The following LYRM4 variants were observed in gnomAD, a reference collection of about 807,000 sequenced individuals.
LYRM4 encodes the protein LYR motif containing 4.
In LYRM4, 9 loss-of-function variants were observed where a neutral mutation model predicts 11.7. That is an observed-to-expected ratio of 0.77 (90% CI 0.46 to 1.34). The LOEUF (loss-of-function observed/expected upper bound fraction) is 1.34. LYRM4 is among the 40% of genes most tolerant of loss of function. The pLI is 0.00. For synonymous variants in LYRM4, 42 were observed against 40.4 expected, an observed-to-expected ratio of 1.04 and a Z score of -0.15; for missense variants, 133 against 112.5, an observed-to-expected ratio of 1.18 and a Z score of -0.82.
At chr6:5,234,073 G>A (rs773207999) in intron 1 of LYRM4, among the ~76,000 whole-genome samples, 2 of 152,120 alleles carry the variant, frequency 1.3e-5, no homozygotes, top group Non-Finnish European at 2.9e-5. Flanking sequence ...TTAATTTCAA[G>A]TCATATTTCT....
At chr6:5,244,558 A>G (rs1265474151) in intron 1 of LYRM4, among the ~76,000 whole-genome samples, 1 of 152,110 alleles carries the variant, frequency 6.6e-6, no homozygotes, top group Non-Finnish European at 1.5e-5. Flanking sequence ...TCTCTGGGCT[A>G]GTTTGTGAGT....
intron 2 of LYRM4, among the ~76,000 whole-genome samples, chr6:5,215,961 A>G (rs1188991090): frequency 6.6e-6 from 1 of 152,206 alleles, no homozygotes; most frequent in East Asian, 1.9e-4. Flanking sequence ...CTGACGTTCT[A>G]ATTACTCTTG....
intron 2 of LYRM4, among the ~76,000 whole-genome samples, chr6:5,115,746 T>A (rs1185636107): frequency 1.3e-5 from 2 of 152,118 alleles, no homozygotes; most frequent in Non-Finnish European, 2.9e-5. Flanking sequence ...GAAGTTTGAA[T>A]TAAATTTAAA....
At chr6:5,245,538 TG>T (rs1764158939) in intron 1 of LYRM4, among the ~76,000 whole-genome samples, 2 of 152,106 alleles carry the variant, frequency 1.3e-5, no homozygotes, top group African/African-American at 4.8e-5. Context: ...ATACGGTGTC[TG>T]GAAGACAAGA....
the LYRM4 span, among the ~76,000 whole-genome samples, chr6:5,090,779 G>A: frequency 1.3e-5 from 2 of 152,182 alleles, no homozygotes; most frequent in African/African-American, 4.8e-5. This position sits in a 1 kb window ranked among gnomAD's most constrained non-coding sequence, Gnocchi z 4.8. Context: ...ATTAGTGTCG[G>A]ATTCTTCATA....
At chr6:5,113,737 T>C (rs7770033) in intron 2 of LYRM4, among the ~76,000 whole-genome samples, 11 of 950 alleles carry the variant, frequency 0.012, no homozygotes, top group African/African-American at 0.048. Flanking sequence ...CTCTCTCTCT[T>C]TTTTTTTTTT....
At chr6:5,098,828 G>A (rs1453730709), downstream of LYRM4, among the ~76,000 whole-genome samples, 1 of 152,186 alleles carries the variant, frequency 6.6e-6, no homozygotes, top group East Asian at 1.9e-4. Flanking sequence ...TTTCCACTTG[G>A]TTAGGTACTC....
chr6:5,057,924 T>C, the LYRM4 span, among the ~76,000 whole-genome samples: 1 of 152,082 alleles, frequency 6.6e-6, no homozygotes, highest in Non-Finnish European at 1.5e-5. Flanking sequence ...CAGCTAATTC[T>C]TATTTTTTGT....
chr6:5,164,335 A>T (rs1364859966), intron 2 of LYRM4, among the ~76,000 whole-genome samples: 2 of 152,212 alleles, frequency 1.3e-5, no homozygotes, highest in Non-Finnish European at 2.9e-5. Flanking sequence ...CAATAGTAAA[A>T]AGAATGAATA....
At chr6:5,133,852 TATA>T (rs1764067945) in intron 2 of LYRM4, among the ~76,000 whole-genome samples, 2 of 152,222 alleles carry the variant, frequency 1.3e-5, no homozygotes, top group African/African-American at 2.4e-5. Context: ...GATGAAATCA[TATA>T]ATATGTGGCT....
chr6:5,238,051 T>TAA lies in LYRM4; in HGVS notation c.87-21314_87-21313insTT, dbSNP rs571657587. Among the ~76,000 whole-genome samples the TAA allele has an allele frequency of 5.7e-3, 865 of 152,292 alleles. 7 individuals carry two copies. The highest frequency in any genetic ancestry group is 9.0e-3 in the Non-Finnish European group (613 of 68,018). On this transcript the variant is annotated intron_variant, in intron 1 of 2. Coordinates refer to ENST00000330636, the MANE Select transcript of LYRM4 (RefSeq NM_020408.6). ...TGAGGCCGTGCTCCTGGCTGCTTAC[T>TAA]GTCCTGCCTTCTAACCACCCTTTTG...
intron 1 of LYRM4, among the ~76,000 whole-genome samples, chr6:5,253,081 T>C (rs1764508181): frequency 6.6e-6 from 1 of 152,228 alleles, no homozygotes; most frequent in African/African-American, 2.4e-5. Context: ...GTTTTACCCT[T>C]AATAGGAGGC....
At position 5,123,159 on chromosome 6, in the gene LYRM4, GCCTGACAGGGC is replaced by G. The variant is rs1763538708; in HGVS notation, c.208-13679_208-13669del. On this transcript the variant is annotated intron_variant, in intron 2 of 2. Coordinates refer to ENST00000330636, the MANE Select transcript of LYRM4 (RefSeq NM_020408.6). ...GAAAAACATCGCCTTGAGCCACAGG[GCCTGACAGGGC>G]CTCAGCTGGGGCAGTGGGCCCGGTG... Among the ~76,000 whole-genome samples the G allele has an allele frequency of 4.6e-5, 7 of 152,342 alleles. No individual in the cohort carries two copies. The South Asian group carries it at 1.4e-3, about 32-fold the overall frequency.
chr6:5,120,543 C>T lies in LYRM4; in HGVS notation c.208-11052G>A, dbSNP rs528691392. 6.6e-4 allele frequency among the ~76,000 whole-genome samples: 101 copies of T among 152,294 alleles called. 2 individuals are homozygous for T. In the Middle Eastern group the frequency reaches 0.01, roughly 15 times the overall value. On this transcript the variant is annotated intron_variant, in intron 2 of 2. Transcript: ENST00000330636. ...GAGCGAAGGAACAAAGTCTCCACAG[C>T]GTGGAAGGGGACGCCAGTGGGTTGC...
chr6:5,258,387 T>C (rs759674930), intron 1 of LYRM4, among the ~76,000 whole-genome samples: 1 of 152,242 alleles, frequency 6.6e-6, no homozygotes, highest in Non-Finnish European at 1.5e-5. Context: ...TGTGCCTCAG[T>C]TGCCTTACAG....
chr6:5,196,049 C>T (rs1231687671), intron 2 of LYRM4, among the ~76,000 whole-genome samples: 2 of 152,136 alleles, frequency 1.3e-5, no homozygotes, highest in African/African-American at 4.8e-5. Flanking sequence ...CTAATGACCC[C>T]GTGAGTGAGG....
chr6:5,122,085 G>T (rs1222945292), intron 2 of LYRM4, among the ~76,000 whole-genome samples: 1 of 152,144 alleles, frequency 6.6e-6, no homozygotes, highest in Non-Finnish European at 1.5e-5. Context: ...ATATAACTGA[G>T]CAGGCAAGCT....
intron 2 of LYRM4, among the ~76,000 whole-genome samples, chr6:5,163,988 G>C (rs1758922828): frequency 2.0e-5 from 3 of 152,110 alleles, no homozygotes; most frequent in African/African-American, 7.2e-5. Flanking sequence ...CATGGAATAT[G>C]CTGTCATCTA....
rs912645668 is a variant in LYRM4, at chr6:5,138,764, A to T, written c.208-29273T>A. 12 of 1,510,204 alleles carry T rather than the reference A, an allele frequency of 7.9e-6. No homozygotes were observed. In the African/African-American group the frequency reaches 1.7e-4, roughly 21 times the overall value. The allele number at this position is 1,510,204 out of a possible 1,614,324, so 93.6% of individuals were successfully genotyped here. ...CCTGGGGGTAAAAAGAGAAAAAAAT[A>T]AAAGTTAAGAGTAACAGTTAACAGA... On this transcript the variant is annotated intron_variant, in intron 2 of 2. Transcript: ENST00000330636.
Sources: gnomAD v4.1 joint callset for allele counts (sites outside exome capture counted in the v4.1 genomes callset) on GRCh38, gnomAD v4.1.1 for gene constraint, Gnocchi (gnomAD v3.1) non-coding constraint, MANE v1.5 for transcripts, NCBI Gene and HGNC (gene_info 2026-07-23, HGNC 2026-07-21) for gene names.